Variants in GHRH observed in about 807,000 individuals in gnomAD.
GHRH encodes growth hormone releasing hormone.
In GHRH, 7 loss-of-function variants were observed where a neutral mutation model predicts 15.6. The ratio of observed to expected loss-of-function variants is 0.45; its 90% confidence interval spans 0.26 to 0.84. GHRH has a LOEUF of 0.84. Ranked by LOEUF, GHRH falls within the 40% of genes least tolerant of loss-of-function variation. The pLI is 0.18. For missense variants in GHRH, 117 were observed against 138.0 expected (o/e 0.85, Z 0.76); for synonymous variants, 54 against 50.4 (o/e 1.07, Z -0.30).
intron 4 of GHRH, among the ~76,000 whole-genome samples, chr20:37,253,393 G>A (rs901754135): frequency 6.6e-6 from 1 of 152,210 alleles, no homozygotes; most frequent in Non-Finnish European, 1.5e-5. Flanking sequence ...ACCAGAGCAT[G>A]CCTGTCAGTT....
chr20:37,252,529 G>C (rs1009415052), intron 4 of GHRH, among the ~76,000 whole-genome samples: 1 of 152,238 alleles, frequency 6.6e-6, no homozygotes, highest in African/African-American at 2.4e-5. Context: ...CACTTAGGGA[G>C]GCCATGGCAG....
rs189535920 is a variant in GHRH at position 37,257,366 on chromosome 20, T to C, written c.-19-458A>G. Among the ~76,000 whole-genome samples, 372 of 151,864 alleles carry C rather than the reference T, an allele frequency of 2.4e-3. 2 individuals carry two copies. Among genetic ancestry groups the C allele is most frequent in the African/African-American group, 7.8e-3 (322 of 41,410 alleles). On this transcript the variant is annotated intron_variant, in intron 1 of 4. Coordinates refer to ENST00000373614, the MANE Select transcript of GHRH (RefSeq NM_021081.6). The stretch of plus-strand genomic sequence containing the variant: ...CCCATCTCTACTAACATTACAAAAA[T>C]AAGACAGGAGTGGTGGCGTGTGCCT...
At position 37,258,313 on chromosome 20, in the gene GHRH, G is replaced by A. The variant is rs188594275; in HGVS notation, c.-19-1405C>T. ...TCCATCCAGAAGCCCAGCCAGCCCCGGAGGTGGCCAGCACCCCCGCCTTTC... is the reference window on the plus strand; with the variant it reads ...TCCATCCAGAAGCCCAGCCAGCCCCAGAGGTGGCCAGCACCCCCGCCTTTC... On this transcript the variant is annotated intron_variant, in intron 1 of 4. Transcript: ENST00000373614. The surrounding 1 kb of genome is among the most constrained non-coding windows in gnomAD (Gnocchi z 4.1). Among the ~76,000 whole-genome samples, 3 of 140,332 alleles carry A rather than the reference G, an allele frequency of 2.1e-5. No individual in the cohort carries two copies. The highest frequency in any genetic ancestry group is 7.0e-5 in the Admixed American group (1 of 14,204). 92.1% of individuals were successfully genotyped at this position (140,332 alleles called of 152,430 possible). A position where few individuals can be genotyped will look rare whatever the true frequency, so the allele number is the denominator to read the frequency against.
chr20:37,257,100 G>A (rs1418027813), intron 1 of GHRH, among the ~76,000 whole-genome samples, 192 bp from the exon 2 acceptor site: 1 of 152,198 alleles, frequency 6.6e-6, no homozygotes, highest in African/African-American at 2.4e-5. Flanking sequence ...CCAGCCACCT[G>A]CTCTGACTTC....
intron 4 of GHRH, among the ~76,000 whole-genome samples, chr20:37,253,430 C>G (rs758454292): frequency 1.3e-4 from 20 of 152,188 alleles, no homozygotes; most frequent in Admixed American, 6.5e-4. Flanking sequence ...CTTGGGAACA[C>G]CTGTTAAAAT....
At chr20:37,251,808 C>T (rs1888095269) in intron 4 of GHRH, among the ~76,000 whole-genome samples, 1 of 152,198 alleles carries the variant, frequency 6.6e-6, no homozygotes, top group Admixed American at 6.5e-5. Flanking sequence ...TGCCATCTGT[C>T]ACATGGCTCT....
chr20:37,254,067 G>A (rs941087790), intron 4 of GHRH, 143 bp downstream of exon 4: 8 of 829,524 alleles, frequency 9.6e-6, no homozygotes, highest in Non-Finnish European at 1.2e-5. Flanking sequence ...AGTTCTTAAT[G>A]TCTGTCAGGA....
At chr20:37,257,117 T>C (rs2068661864) in intron 1 of GHRH, among the ~76,000 whole-genome samples, 1 of 152,216 alleles carries the variant, frequency 6.6e-6, no homozygotes, top group African/African-American at 2.4e-5. Flanking sequence ...CTTCATTTTC[T>C]CCATCTGTAG....
intron 1 of GHRH, among the ~76,000 whole-genome samples, chr20:37,259,310 G>A (rs1264324512): frequency 3.3e-5 from 5 of 151,990 alleles, no homozygotes; most frequent in Non-Finnish European, 5.9e-5. Context: ...GCAGGCTTCC[G>A]TCCTCCTCAT....
At position 37,258,291 on chromosome 20, in the gene GHRH, A is replaced by G. The variant is rs910508067; in HGVS notation, c.-19-1383T>C. Among the ~76,000 whole-genome samples, 3 of 125,842 alleles carry G rather than the reference A, an allele frequency of 2.4e-5. No individual in the cohort carries two copies. The highest frequency in any genetic ancestry group is 2.3e-4 in the Admixed American group (3 of 12,806). The allele number at this position is 125,842 out of a possible 152,430, so 82.6% of individuals were successfully genotyped here. On this transcript the variant is annotated intron_variant, in intron 1 of 4. Coordinates refer to ENST00000373614, the MANE Select transcript of GHRH (RefSeq NM_021081.6). This position sits in a 1 kb window ranked among gnomAD's most constrained non-coding sequence, Gnocchi z 4.1. ...GTCTACTCCATGGGGGTGTAGATCCATCCAGAAGCCCAGCCAGCCCCGGAG... is the reference window on the plus strand; with the variant it reads ...GTCTACTCCATGGGGGTGTAGATCCGTCCAGAAGCCCAGCCAGCCCCGGAG...
chr20:37,253,085 C>A (rs565712278), intron 4 of GHRH, among the ~76,000 whole-genome samples: 1 of 152,306 alleles, frequency 6.6e-6, no homozygotes, highest in African/African-American at 2.4e-5. Context: ...TCCAAACAAC[C>A]ACGACATTTT....
rs61024964 is a variant in GHRH, at chr20:37,258,764, G to A, written c.-19-1856C>T. ...TTCTTTATTTATTTATTTTGAGAGC[G>A]GGTCTCACTCTGTGGCCCAGGCTGA... On this transcript the variant is annotated intron_variant, in intron 1 of 4. Coordinates refer to ENST00000373614, the MANE Select transcript of GHRH (RefSeq NM_021081.6). The surrounding 1 kb of genome is among the most constrained non-coding windows in gnomAD (Gnocchi z 4.1). 0.082 allele frequency among the ~76,000 whole-genome samples: 12,508 copies of A among 152,092 alleles called. 1,218 individuals are homozygous for A. The highest frequency in any genetic ancestry group is 0.24 in the African/African-American group (9,890 of 41,430).
intron 4 of GHRH, among the ~76,000 whole-genome samples, chr20:37,253,837 G>A (rs1046473699): frequency 1.2e-4 from 19 of 152,210 alleles, no homozygotes; most frequent in Non-Finnish European, 2.2e-4. Context: ...TGCAACCTCC[G>A]CCTCCCAGCT....
intron 3 of GHRH, among the ~76,000 whole-genome samples, 192 bp from the exon 4 acceptor site, chr20:37,254,521 G>A (rs1052481025): frequency 3.3e-5 from 5 of 152,050 alleles, no homozygotes; most frequent in Admixed American, 6.6e-5. Context: ...GTTGCAAAAC[G>A]TCTCCCCACA....
chr20:37,254,437 C>A, intron 3 of GHRH, 108 bp from the exon 4 acceptor site: 1 of 1,135,698 alleles, frequency 8.8e-7, no homozygotes, highest in Non-Finnish European at 1.3e-6. Context: ...TTCTACCCAA[C>A]TGAATTAGAT....
chr20:37,255,886 T>C (rs1457688663), intron 3 of GHRH, among the ~76,000 whole-genome samples: 1 of 151,904 alleles, frequency 6.6e-6, no homozygotes. Flanking sequence ...AATAGTCAGT[T>C]GTGGTGGTGC....
At chr20:37,257,755 T>G (rs1290969484) in intron 1 of GHRH, among the ~76,000 whole-genome samples, 15 of 152,162 alleles carry the variant, frequency 9.9e-5, no homozygotes, top group Admixed American at 9.8e-4. Flanking sequence ...GAGCCTTATT[T>G]TCCCCGGCCA....
intron 3 of GHRH, among the ~76,000 whole-genome samples, chr20:37,255,586 G>A (rs530317489): frequency 1.3e-5 from 2 of 150,412 alleles, no homozygotes; most frequent in South Asian, 2.1e-4. Flanking sequence ...GTGTGAACCC[G>A]GGAGGGGGAG....
chr20:37,256,557 G>A (rs893049345), intron 2 of GHRH, 59 bp from the exon 3 acceptor site: 49 of 1,069,258 alleles, frequency 4.6e-5, no homozygotes, highest in African/African-American at 3.9e-4. Flanking sequence ...GAGGACAGTC[G>A]TGGCTGCACT....
Sources: allele counts gnomAD v4.1 joint callset (sites outside exome capture counted in the v4.1 genomes callset), GRCh38; gene constraint gnomAD v4.1.1; non-coding constraint Gnocchi (gnomAD v3.1); transcripts MANE v1.5; gene names NCBI Gene and HGNC (gene_info 2026-07-23, HGNC 2026-07-21).